The following USH2A variants were observed in gnomAD, a reference collection of about 807,000 sequenced individuals.
USH2A encodes the protein Usher syndrome 2A (autosomal recessive, mild).
Under a neutral mutation model 538.9 loss-of-function variants are expected in USH2A, and 443 were observed. The observed-to-expected ratio is 0.82, with a 90% confidence interval of 0.76 to 0.89. USH2A has a LOEUF of 0.89. Among genes scored for constraint, USH2A ranks in the 40% least tolerant of loss-of-function variants. The pLI, the probability that USH2A is intolerant of heterozygous loss-of-function variation, is 0.00. For synonymous variants in USH2A, 2,413 were observed against 2,273.5 expected (o/e 1.06, Z -1.75); for missense variants, 6,633 against 6,324.8 (o/e 1.05, Z -1.65).
intron 13 of USH2A, among the ~76,000 whole-genome samples, chr1:216,235,494 C>A (rs2035790920): frequency 6.6e-6 from 1 of 152,098 alleles, no homozygotes; most frequent in South Asian, 2.1e-4. Context: ...CATGACAAAT[C>A]TCAAGTGGAA....
Position 215,640,687 on chromosome 1 carries a change from C to T in USH2A, c.14839G>A (p.Val4947Met). Residue 4947 changes from valine to methionine, a missense_variant, in exon 68 of 72, where the codon GTG (valine) becomes ATG (methionine). By Grantham distance (21) the Val-to-Met change is conservative (BLOSUM62 1). Transcript: ENST00000307340. ...AAGGTGTCACTCCAGTTCACACACA[C>T]CACAGACAAATTGCTGTCCACCGAA... ...PFSVDSNLSV[V>M]CVNWSDTFLL... 6.2e-7 allele frequency: 1 copy of T among 1,613,830 alleles called. No individual in the cohort carries two copies. The highest frequency in any genetic ancestry group is 8.5e-7 in the Non-Finnish European group (1 of 1,179,986).
At chr1:216,048,669 G>C (rs1353231210) in intron 30 of USH2A, 22 bp from the exon 31 acceptor site, 1 of 1,595,308 alleles carries the variant, frequency 6.3e-7, no homozygotes, top group African/African-American at 1.3e-5. Flanking sequence ...AGGGACAAAA[G>C]AGGGTTGCGT....
chr1:215,694,733 T>C (rs1416296099), intron 61 of USH2A, among the ~76,000 whole-genome samples: 1 of 152,214 alleles, frequency 6.6e-6, no homozygotes, highest in Admixed American at 6.5e-5. Flanking sequence ...GTTTGTCCCC[T>C]TACCACTTCC....
chr1:216,154,567 T>C (rs1422486093), intron 21 of USH2A, among the ~76,000 whole-genome samples: 3 of 152,152 alleles, frequency 2.0e-5, no homozygotes, highest in African/African-American at 7.2e-5. Context: ...GCACATCTGT[T>C]TAAATGGTTC....
At chr1:215,810,836 C>T (rs1662649830) in intron 49 of USH2A, among the ~76,000 whole-genome samples, 1 of 152,190 alleles carries the variant, frequency 6.6e-6, no homozygotes, top group South Asian at 2.1e-4. Flanking sequence ...TATATTTTTA[C>T]TTTTTCTTAA....
chr1:216,375,191 C>G (rs577351034), intron 3 of USH2A, among the ~76,000 whole-genome samples: 1 of 152,294 alleles, frequency 6.6e-6, no homozygotes, highest in South Asian at 2.1e-4. Flanking sequence ...TAGCCCCTAA[C>G]AAGAGACTCA....
At chr1:215,957,008 A>G (rs7529488) in intron 37 of USH2A, among the ~76,000 whole-genome samples, 28,979 of 152,140 alleles carry the variant, frequency 0.19, 3,079 homozygotes, top group African/African-American at 0.29. Context: ...ATATGGCCAT[A>G]ATTTGTAGTC....
intron 38 of USH2A, among the ~76,000 whole-genome samples, chr1:215,930,961 C>T (rs1666348696): frequency 6.6e-6 from 1 of 151,154 alleles, no homozygotes; most frequent in African/African-American, 2.4e-5. Flanking sequence ...TCCAAGAATA[C>T]CTTAGTGCTA....
intron 9 of USH2A, among the ~76,000 whole-genome samples, chr1:216,321,241 T>A (rs2037603034): frequency 6.6e-6 from 1 of 152,118 alleles, no homozygotes; most frequent in Non-Finnish European, 1.5e-5. Context: ...TATCAGCTAT[T>A]TCTGATGTTG....
intron 3 of USH2A, among the ~76,000 whole-genome samples, chr1:216,418,309 G>A (rs1003573039): frequency 1.3e-5 from 2 of 152,052 alleles, no homozygotes; most frequent in African/African-American, 4.8e-5. Flanking sequence ...AGCTTTTACA[G>A]CAATTTTGGG....
chr1:216,218,064 A>G (rs1190151660), intron 14 of USH2A, among the ~76,000 whole-genome samples: 1 of 152,146 alleles, frequency 6.6e-6, no homozygotes, highest in East Asian at 1.9e-4. Flanking sequence ...TTCACTAAGA[A>G]AATTGCTTGA....
In USH2A at chr1:216,259,909, A is replaced by G. The variant is rs79230747; in HGVS notation, c.1972-8811T>C. ...AATATATTTTTCAAAAATTTCAAAGACGAAAAATGAAATGAAGAAATATAA... is the reference window on the plus strand; with the variant it reads ...AATATATTTTTCAAAAATTTCAAAGGCGAAAAATGAAATGAAGAAATATAA... On this transcript the variant is annotated intron_variant, in intron 11 of 71. Coordinates refer to ENST00000307340, the MANE Select transcript of USH2A (RefSeq NM_206933.4). 2.2e-3 allele frequency among the ~76,000 whole-genome samples: 330 copies of G among 152,196 alleles called. 4 individuals carry two copies. Among genetic ancestry groups the G allele is most frequent in the African/African-American group, 7.2e-3 (301 of 41,566 alleles).
At chr1:216,029,818 G>A (rs989289178) in intron 32 of USH2A, among the ~76,000 whole-genome samples, 1 of 151,246 alleles carries the variant, frequency 6.6e-6, no homozygotes, top group Non-Finnish European at 1.5e-5. Context: ...CGTTGTTAAT[G>A]GTATTAGGAG....
At chr1:215,827,939 G>A (rs1447972817) in intron 47 of USH2A, among the ~76,000 whole-genome samples, 2 of 152,008 alleles carry the variant, frequency 1.3e-5, no homozygotes, top group Non-Finnish European at 2.9e-5. Flanking sequence ...TTACAAAACT[G>A]TAAAATCATT....
At chr1:215,940,251 T>C (rs1008105821) in intron 37 of USH2A, among the ~76,000 whole-genome samples, 2 of 152,092 alleles carry the variant, frequency 1.3e-5, no homozygotes, top group African/African-American at 2.4e-5. Context: ...GGTATTAAGG[T>C]CTCAATTTTA....
Position 215,814,031 on chromosome 1 carries a change from C to T in USH2A, c.9571-127G>A, listed in dbSNP as rs17025459. The T allele has an allele frequency of 4.0e-3, 4,398 of 1,106,384 alleles. 121 individuals carry two copies. The African/African-American group carries it at 0.06, about 15-fold the overall frequency. The allele number at this position is 1,106,384 out of a possible 1,614,324, so 68.5% of individuals were successfully genotyped here. A position where few individuals can be genotyped will look rare whatever the true frequency, so the allele number is the denominator to read the frequency against. On this transcript the variant is annotated intron_variant, in intron 48 of 71. Coordinates refer to ENST00000307340, the MANE Select transcript of USH2A (RefSeq NM_206933.4). ...ATCTGAGACCATATTACTCATATTTCGTTGGTTTAAAAATGTATTTTCCAG... is the reference window on the plus strand; with the variant it reads ...ATCTGAGACCATATTACTCATATTTTGTTGGTTTAAAAATGTATTTTCCAG...
chr1:216,235,259 T>C (rs947145714), intron 13 of USH2A, among the ~76,000 whole-genome samples: 3 of 152,198 alleles, frequency 2.0e-5, no homozygotes, highest in Admixed American at 1.3e-4. Context: ...TACCCCTTTG[T>C]TAGCTCTTCT....
In USH2A at chr1:215,629,868, C is replaced by A. The variant is rs573673702; in HGVS notation, c.15298-833G>T. On this transcript the variant is annotated intron_variant, in intron 70 of 71. Transcript: ENST00000307340. ...TCGGCTCACTGCAAGCTCCGCCTCCCGGGTTCACGCCATTCTCCTGCCTCA... is the reference window on the plus strand; with the variant it reads ...TCGGCTCACTGCAAGCTCCGCCTCCAGGGTTCACGCCATTCTCCTGCCTCA... Among the ~76,000 whole-genome samples the A allele has an allele frequency of 1.2e-3, 178 of 150,844 alleles. 1 individual carries two copies. The highest frequency in any genetic ancestry group is 4.1e-3 in the African/African-American group (168 of 41,056).
chr1:215,794,541 GAA>G (rs1161108597), intron 50 of USH2A, among the ~76,000 whole-genome samples: 1 of 152,168 alleles, frequency 6.6e-6, no homozygotes, highest in Non-Finnish European at 1.5e-5. Context: ...CTACAGGAGT[GAA>G]CGGCAGCAGA....
Sources: gnomAD v4.1 joint callset for allele counts (sites outside exome capture counted in the v4.1 genomes callset) on GRCh38, gnomAD v4.1.1 for gene constraint, MANE v1.5 for transcripts, NCBI Gene and HGNC (gene_info 2026-07-23, HGNC 2026-07-21) for gene names.